HECW1: variants seen among roughly 807,000 people sequenced by gnomAD.
The protein encoded by HECW1 is E3 ubiquitin-protein ligase HECW1.
A neutral mutation model predicts 182.3 loss-of-function variants in HECW1; 61 were observed. The ratio of observed to expected loss-of-function variants is 0.33; its 90% confidence interval spans 0.27 to 0.41. HECW1 has a LOEUF of 0.41. HECW1 is among the 10% of genes least tolerant of loss of function. The pLI is 1.00. For missense variants in HECW1, 1,739 were observed against 2,108.9 expected (o/e 0.82, Z 3.44); for synonymous variants, 859 against 832.6 (o/e 1.03, Z -0.55).
intron 16 of HECW1, among the ~76,000 whole-genome samples, chr7:43,469,332 C>T (rs1223807911): frequency 6.6e-6 from 1 of 152,186 alleles, no homozygotes; most frequent in Non-Finnish European, 1.5e-5. Flanking sequence ...ACTCCTAGCC[C>T]TCACGCTGCT....
chr7:43,153,942 G>C (rs547961544), intron 2 of HECW1, among the ~76,000 whole-genome samples: 10 of 152,096 alleles, frequency 6.6e-5, no homozygotes, highest in African/African-American at 2.4e-4. Context: ...ACTTTTTGAA[G>C]ATTGTAATTT....
At chr7:43,213,072 G>A (rs948044930) in intron 2 of HECW1, among the ~76,000 whole-genome samples, 2 of 151,902 alleles carry the variant, frequency 1.3e-5, no homozygotes, top group Non-Finnish European at 2.9e-5. Flanking sequence ...GCCTTTTCAT[G>A]AGTTAATCTA....
intron 2 of HECW1, among the ~76,000 whole-genome samples, chr7:43,145,451 A>G (rs530317519): frequency 3.4e-4 from 51 of 152,076 alleles, no homozygotes; most frequent in African/African-American, 1.2e-3. Context: ...ATGTGCCACC[A>G]CGCCTGGCTA....
chr7:43,175,181 T>C (rs922022040), intron 2 of HECW1, among the ~76,000 whole-genome samples: 5 of 151,646 alleles, frequency 3.3e-5, no homozygotes, highest in African/African-American at 1.2e-4. Flanking sequence ...TGTGTACACA[T>C]ACACATACAC....
chr7:43,488,388 AAGG>A (rs2078749646), intron 17 of HECW1, among the ~76,000 whole-genome samples: 15 of 62,144 alleles, frequency 2.4e-4, no homozygotes, highest in Admixed American at 3.4e-4. Context: ...GGAAGGAAGG[AAGG>A]AAGGAAGGAA....
intron 2 of HECW1, among the ~76,000 whole-genome samples, chr7:43,146,328 C>T (rs1354457962): frequency 2.0e-5 from 3 of 152,120 alleles, no homozygotes; most frequent in African/African-American, 7.2e-5. Flanking sequence ...TGCACCCACC[C>T]TACCCTCTCC....
In HECW1 at chr7:43,223,682, A is replaced by G. The variant is rs1248369170; in HGVS notation, c.-31-20193A>G. Among the ~76,000 whole-genome samples the G allele has an allele frequency of 4.6e-5, 7 of 151,600 alleles. No individual in the cohort carries two copies. In the East Asian group the frequency reaches 1.4e-3, roughly 29 times the overall value. ...GTTCAAATCCCATCAGTGGTTTCCT[A>G]TTCCTTGGGAGTAGAATCAGAGTCC... On this transcript the variant is annotated intron_variant, in intron 2 of 29. Transcript: ENST00000395891.
intron 29 of HECW1, among the ~76,000 whole-genome samples, chr7:43,558,711 AC>A (rs2082112143): frequency 6.6e-6 from 1 of 152,150 alleles, no homozygotes. Context: ...CCAGAAGAGG[AC>A]CTACAAAGGA....
At chr7:43,159,031 T>G (rs1262900815) in intron 2 of HECW1, among the ~76,000 whole-genome samples, 1 of 152,196 alleles carries the variant, frequency 6.6e-6, no homozygotes, top group East Asian at 1.9e-4. Flanking sequence ...CAGATGGTGC[T>G]GGAGCTGCTG....
chr7:43,245,051 C>T (rs113388630), intron 3 of HECW1, among the ~76,000 whole-genome samples: 60 of 152,344 alleles, frequency 3.9e-4, no homozygotes, highest in African/African-American at 1.4e-3. Context: ...GCCTAATGCA[C>T]TTAAAGAATG....
At chr7:43,476,682 A>T (rs1306182883) in intron 16 of HECW1, among the ~76,000 whole-genome samples, 1 of 152,150 alleles carries the variant, frequency 6.6e-6, no homozygotes, top group Non-Finnish European at 1.5e-5. Flanking sequence ...TTTATAAGAA[A>T]TGTATTTATA....
At chr7:43,486,913 T>G (rs1002243044) in intron 17 of HECW1, among the ~76,000 whole-genome samples, 1 of 152,250 alleles carries the variant, frequency 6.6e-6, no homozygotes, top group African/African-American at 2.4e-5. Context: ...CATTAACATT[T>G]TTCTATATTT....
In HECW1 at chr7:43,479,679, C is replaced by A. The variant is rs768748485; in HGVS notation, c.3169C>A (p.Arg1057Ser). 1 of 1,614,058 alleles carries A rather than the reference C, an allele frequency of 6.2e-7. No homozygotes were observed. The highest frequency in any genetic ancestry group is 1.1e-5 in the South Asian group (1 of 91,064). Residue 1057 changes from arginine (R) to serine (S), a missense_variant, in exon 17 of 30, where the codon CGT (arginine) becomes AGT (serine). This residue lies in a region of HECW1 where 971 missense variants were observed against 1,029.1 expected (regional missense o/e 0.94). Coordinates refer to ENST00000395891, the MANE Select transcript of HECW1 (RefSeq NM_015052.5). ...IDPRIPLQNG[R>S]LPNHLTHRQH... is the part of the protein sequence containing the mutation. ...CCCCCGAATCCCTCTTCAGAACGGTCGTCTTCCCAATCATCTAACTCACCG... is the reference window on the plus strand; with the variant it reads ...CCCCCGAATCCCTCTTCAGAACGGTAGTCTTCCCAATCATCTAACTCACCG...
At chr7:43,197,758 C>T (rs1035968159) in intron 2 of HECW1, among the ~76,000 whole-genome samples, 2 of 152,088 alleles carry the variant, frequency 1.3e-5, no homozygotes, top group African/African-American at 4.8e-5. Context: ...GCTTCCAGGA[C>T]TGGCAACATA....
Position 43,243,947 on chromosome 7 carries a change from C to T in HECW1, c.27+15C>T. The T allele has an allele frequency of 6.3e-7, 1 of 1,596,636 alleles. No homozygotes were observed. Among genetic ancestry groups the T allele is most frequent in the Non-Finnish European group, 8.6e-7 (1 of 1,164,140 alleles). On this transcript the variant is annotated intron_variant, in intron 3 of 29. Coordinates refer to ENST00000395891, the MANE Select transcript of HECW1 (RefSeq NM_015052.5). The surrounding 1 kb of genome is among the most constrained non-coding windows in gnomAD (Gnocchi z 4.0). ...GTAGTGTGAAGGTCAGTGTGCTTTT[C>T]TGATTATAAGAAACCATCCATGTCA...
At chr7:43,204,983 C>A (rs1795330573) in intron 2 of HECW1, among the ~76,000 whole-genome samples, 1 of 152,136 alleles carries the variant, frequency 6.6e-6, no homozygotes, top group Admixed American at 6.5e-5. Flanking sequence ...GTTTCTATCT[C>A]AAACGGGCAC....
At chr7:43,280,975 C>T (rs1295176643) in intron 3 of HECW1, among the ~76,000 whole-genome samples, 1 of 151,568 alleles carries the variant, frequency 6.6e-6, no homozygotes, top group Non-Finnish European at 1.5e-5. Flanking sequence ...TCTCTTTTCC[C>T]GTTTTGTTTG....
At position 43,312,044 on chromosome 7, in the gene HECW1, G is replaced by A; in HGVS notation, c.309G>A (p.Lys103=). 6.2e-7 allele frequency: 1 copy of A among 1,614,252 alleles called. No homozygotes were observed. Among genetic ancestry groups the A allele is most frequent in the Non-Finnish European group, 8.5e-7 (1 of 1,180,046 alleles). The change falls in exon 4 of 30, where the codon AAG becomes AAA. Residue 103 remains lysine (K), a synonymous_variant. Coordinates refer to ENST00000395891, the MANE Select transcript of HECW1 (RefSeq NM_015052.5). The part of the protein sequence containing the change: ...SQDLVIHWDI[K]EEVDAGDWIG... ...ACCTGGTCATCCACTGGGACATAAA[G>A]GAGGAAGTGGACGCTGGGGACTGGA...
intron 11 of HECW1, among the ~76,000 whole-genome samples, chr7:43,446,954 T>G (rs1562990679): frequency 6.6e-6 from 1 of 152,158 alleles, no homozygotes; most frequent in Non-Finnish European, 1.5e-5. Flanking sequence ...TGGCATCAGG[T>G]GATGTATGGA....
Sources: allele counts gnomAD v4.1 joint callset (sites outside exome capture counted in the v4.1 genomes callset), GRCh38; gene constraint gnomAD v4.1.1; regional missense constraint gnomAD v4.1.1; non-coding constraint Gnocchi (gnomAD v3.1); transcripts MANE v1.5; gene names NCBI Gene and HGNC (gene_info 2026-07-23, HGNC 2026-07-21).